The following CCDC7 variants were observed in gnomAD, a reference collection of about 807,000 sequenced individuals.
The protein encoded by CCDC7 is coiled-coil domain containing 7.
Under a neutral mutation model 196.9 loss-of-function variants are expected in CCDC7, and 183 were observed. That is an observed-to-expected ratio of 0.93 (90% CI 0.82 to 1.05). CCDC7 has a LOEUF of 1.05. Among genes scored for constraint, CCDC7 ranks in the 50% least tolerant of loss-of-function variants. The pLI, the probability that CCDC7 is intolerant of heterozygous loss-of-function variation, is 0.00. For synonymous variants in CCDC7, 525 were observed against 484.6 expected (o/e 1.08, Z -1.10); for missense variants, 1,540 against 1,482.2 (o/e 1.04, Z -0.64).
chr10:32,869,616 G>A (rs1166495140), intron 41 of CCDC7, among the ~76,000 whole-genome samples: 1 of 152,078 alleles, frequency 6.6e-6, no homozygotes, highest in African/African-American at 2.4e-5. Context: ...TGCTTTTGGT[G>A]TTTTAGACAT....
chr10:32,577,779 T>A (rs935344878), intron 16 of CCDC7, among the ~76,000 whole-genome samples: 1 of 152,172 alleles, frequency 6.6e-6, no homozygotes, highest in African/African-American at 2.4e-5. Flanking sequence ...GGATGTGCTA[T>A]ATCCCCCTTT....
chr10:32,674,347 T>C (rs1289895767), intron 21 of CCDC7, among the ~76,000 whole-genome samples: 1 of 152,002 alleles, frequency 6.6e-6, no homozygotes, highest in African/African-American at 2.4e-5. Flanking sequence ...CTTGATCCAG[T>C]GGTTGTTCAA....
At chr10:32,684,067 G>A (rs916048022) in intron 21 of CCDC7, among the ~76,000 whole-genome samples, 2 of 152,154 alleles carry the variant, frequency 1.3e-5, no homozygotes, top group African/African-American at 4.8e-5. Flanking sequence ...ATGCAGAGCT[G>A]CAGCCAGCCC....
intron 33 of CCDC7, among the ~76,000 whole-genome samples, chr10:32,836,010 A>G (rs911988193): frequency 3.9e-5 from 6 of 152,150 alleles, no homozygotes; most frequent in African/African-American, 9.7e-5. Flanking sequence ...TAAAAATGTC[A>G]GGTAAATTTA....
chr10:32,485,421 T>A (rs193156201), intron 8 of CCDC7, among the ~76,000 whole-genome samples: 5,201 of 152,326 alleles, frequency 0.034, 103 homozygotes, highest in Non-Finnish European at 0.05. Flanking sequence ...GTCTATCAAT[T>A]TTGTTGATCT....
At chr10:32,550,194 T>C (rs2053235308) in intron 13 of CCDC7, among the ~76,000 whole-genome samples, 1 of 151,876 alleles carries the variant, frequency 6.6e-6, no homozygotes, top group South Asian at 2.1e-4. Flanking sequence ...AGTTGAGTAC[T>C]TGATTTGATT....
intron 31 of CCDC7, among the ~76,000 whole-genome samples, chr10:32,817,730 C>T (rs1029442117): frequency 2.0e-5 from 3 of 151,894 alleles, no homozygotes; most frequent in Non-Finnish European, 2.9e-5. Context: ...TCATATCCAG[C>T]CAAACTAAGC....
intron 28 of CCDC7, among the ~76,000 whole-genome samples, chr10:32,778,764 T>G (rs1248791696): frequency 6.6e-6 from 1 of 152,224 alleles, no homozygotes; most frequent in Non-Finnish European, 1.5e-5. Flanking sequence ...TAAATTGCTT[T>G]GGGCAGTATG....
At chr10:32,850,141 A>G (rs1387287712) in intron 39 of CCDC7, among the ~76,000 whole-genome samples, 3 of 152,210 alleles carry the variant, frequency 2.0e-5, no homozygotes, top group Admixed American at 6.5e-5. Flanking sequence ...CCCACCAGGA[A>G]CAAAATGAGA....
chr10:32,543,174 T>G, intron 11 of CCDC7, 126 bp from the exon 13 acceptor site: 1 of 983,408 alleles, frequency 1.0e-6, no homozygotes, highest in South Asian at 3.7e-5. Flanking sequence ...ATGCAGATAA[T>G]TTTTCCTGAA....
intron 25 of CCDC7, among the ~76,000 whole-genome samples, chr10:32,720,691 C>T (rs2082283898): frequency 6.6e-6 from 1 of 152,104 alleles, no homozygotes; most frequent in Non-Finnish European, 1.5e-5. Flanking sequence ...ATTCAGTGCA[C>T]TTTCTGAGAC....
exon 29 of CCDC7, chr10:32,779,037 C>T (rs991015708): frequency 1.2e-5 from 18 of 1,550,062 alleles, no homozygotes; most frequent in East Asian, 9.8e-5. Context: ...GCAATGTACC[C>T]GTCAATTAGC....
At chr10:32,863,987 T>TA (rs199761389) in intron 41 of CCDC7, among the ~76,000 whole-genome samples, 1,431 of 138,194 alleles carry the variant, frequency 0.01, 15 homozygotes, top group African/African-American at 0.029. Flanking sequence ...TACTGACTGG[T>TA]AAAAAAAAAA....
At chr10:32,689,064 G>A in exon 23 of CCDC7, 1 of 1,589,816 alleles carries the variant, frequency 6.3e-7, no homozygotes, top group Admixed American at 1.7e-5. Flanking sequence ...TCCTGATAAA[G>A]AACCAAATGA....
At chr10:32,602,926 C>T (rs934375557) in intron 18 of CCDC7, among the ~76,000 whole-genome samples, 1 of 152,080 alleles carries the variant, frequency 6.6e-6, no homozygotes, top group Non-Finnish European at 1.5e-5. Flanking sequence ...GGATATTCAT[C>T]ACCTCAAACA....
chr10:32,487,501 CG>C (rs2041357821), intron 8 of CCDC7, among the ~76,000 whole-genome samples: 2 of 152,138 alleles, frequency 1.3e-5, no homozygotes, highest in Non-Finnish European at 2.9e-5. Context: ...AGTCATTCTC[CG>C]TCCAGCTTTG....
intron 38 of CCDC7, among the ~76,000 whole-genome samples, chr10:32,848,219 A>T (rs1209132779): frequency 1.3e-5 from 2 of 152,172 alleles, no homozygotes; most frequent in East Asian, 1.9e-4. Context: ...AATCTAATAA[A>T]CATTGGTTCA....
intron 18 of CCDC7, among the ~76,000 whole-genome samples, chr10:32,597,047 A>G (rs191066199): frequency 2.6e-5 from 4 of 152,082 alleles, no homozygotes; most frequent in African/African-American, 9.6e-5. Context: ...CGTTCTCTGT[A>G]TTTCCCGAAT....
At chr10:32,742,690 G>T (rs2086073921) in intron 28 of CCDC7, among the ~76,000 whole-genome samples, 2 of 152,168 alleles carry the variant, frequency 1.3e-5, no homozygotes, top group South Asian at 4.1e-4. Context: ...CTGAAGGTTG[G>T]GAAGTCCAAG....
Sources: allele counts gnomAD v4.1 joint callset (sites outside exome capture counted in the v4.1 genomes callset), GRCh38; gene constraint gnomAD v4.1.1; transcripts MANE v1.5; gene names NCBI Gene and HGNC (gene_info 2026-07-23, HGNC 2026-07-21).